FGF14: variants seen among roughly 807,000 people sequenced by gnomAD.
The protein encoded by FGF14 is fibroblast growth factor 14, also known as fibroblast growth factor homologous factor 4.
In FGF14, 5 loss-of-function variants were observed where a neutral mutation model predicts 25.5. The observed-to-expected ratio is 0.20, with a 90% CI of 0.10 to 0.41. The LOEUF is 0.41. Ranked by LOEUF, FGF14 falls within the 10% of genes least tolerant of loss-of-function variation. The pLI is 1.00. For synonymous variants in FGF14, 138 were observed against 118.3 expected (o/e 1.17, Z -1.08); for missense variants, 222 against 320.1 (o/e 0.69, Z 2.34).
At chr13:102,018,078 T>A (rs1355644684) in intron 1 of FGF14, among the ~76,000 whole-genome samples, 1 of 152,150 alleles carries the variant, frequency 6.6e-6, no homozygotes, top group African/African-American at 2.4e-5. Context: ...GAGTTCTGTG[T>A]CTCTCTTCTT....
chr13:102,061,156 T>C (rs553711088), intron 1 of FGF14, among the ~76,000 whole-genome samples: 31 of 152,318 alleles, frequency 2.0e-4, no homozygotes, highest in African/African-American at 6.3e-4. Context: ...TCCAAGCCCT[T>C]ATGTGACCCG....
At chr13:102,315,324 C>A (rs2055969026) in intron 1 of FGF14, among the ~76,000 whole-genome samples, 1 of 152,116 alleles carries the variant, frequency 6.6e-6, no homozygotes, top group Non-Finnish European at 1.5e-5. Flanking sequence ...TTCCAAAGTG[C>A]CTCCCAGCCT....
At chr13:101,796,571 T>G (rs1460101417) in intron 3 of FGF14, among the ~76,000 whole-genome samples, 1 of 151,934 alleles carries the variant, frequency 6.6e-6, no homozygotes, top group Non-Finnish European at 1.5e-5. Context: ...AAAGGGGCAA[T>G]TAAAGACAAA....
At chr13:102,047,382 G>C (rs1337363141) in intron 1 of FGF14, among the ~76,000 whole-genome samples, 1 of 152,008 alleles carries the variant, frequency 6.6e-6, no homozygotes, top group Non-Finnish European at 1.5e-5. Flanking sequence ...TCTTGAGGGA[G>C]ATTTAGCTAT....
intron 1 of FGF14, among the ~76,000 whole-genome samples, chr13:102,235,386 T>C (rs2051282036): frequency 6.6e-6 from 1 of 152,128 alleles, no homozygotes; most frequent in South Asian, 2.1e-4. Flanking sequence ...CACTGAAAAT[T>C]TTTTGCTTTG....
chr13:101,966,323 C>T lies in FGF14; in HGVS notation c.209-91027G>A, dbSNP rs115845030. The stretch of plus-strand genomic sequence containing the variant: ...AGGCAGAAATTGGGGTGATGATTTA[C>T]GAGACAAAGAATATCAAGGATTGCC... On this transcript the variant is annotated intron_variant, in intron 1 of 4. Coordinates refer to the FGF14 transcript ENST00000376131. 4.8e-3 allele frequency among the ~76,000 whole-genome samples: 730 copies of T among 152,126 alleles called. 11 individuals carry two copies. Among genetic ancestry groups the T allele is most frequent in the African/African-American group, 0.017 (687 of 41,508 alleles).
chr13:102,106,829 G>C lies in FGF14; in HGVS notation c.209-231533C>G, dbSNP rs985572880. Among the ~76,000 whole-genome samples, 4 of 152,244 alleles carry C rather than the reference G, an allele frequency of 2.6e-5. No individual in the cohort carries two copies. The East Asian group carries it at 7.7e-4, about 29-fold the overall frequency. ...ACATAGGGGAAATACATTATGGCTT[G>C]TAGTTTATAAATAAAAGTTAACTGC... On this transcript the variant is annotated intron_variant, in intron 1 of 4. Coordinates refer to the FGF14 transcript ENST00000376131.
intron 1 of FGF14, among the ~76,000 whole-genome samples, chr13:102,124,389 G>A (rs905995996): frequency 1.3e-5 from 2 of 152,026 alleles, no homozygotes; most frequent in African/African-American, 4.8e-5. Flanking sequence ...ATACTCTTAA[G>A]AGGAAAATGT....
At chr13:102,006,303 G>A (rs9557780) in intron 1 of FGF14, among the ~76,000 whole-genome samples, 43,235 of 152,006 alleles carry the variant, frequency 0.28, 7,019 homozygotes, top group East Asian at 0.7. Context: ...TAATTACAAA[G>A]CAATAAGGCA....
intron 1 of FGF14, among the ~76,000 whole-genome samples, chr13:102,197,517 T>C (rs1007333073): frequency 9.9e-5 from 15 of 152,220 alleles, no homozygotes; most frequent in Admixed American, 3.3e-4. Context: ...CTTGCATCTT[T>C]AGAATTTGGC....
intron 1 of FGF14, among the ~76,000 whole-genome samples, chr13:102,079,870 A>G (rs1333911539): frequency 1.3e-5 from 2 of 152,138 alleles, no homozygotes; most frequent in Admixed American, 6.6e-5. Context: ...GCAAAGACCT[A>G]AAGAATATAA....
chr13:102,197,912 C>G (rs2049436876), intron 1 of FGF14, among the ~76,000 whole-genome samples: 1 of 152,192 alleles, frequency 6.6e-6, no homozygotes, highest in Non-Finnish European at 1.5e-5. Context: ...AATGAGAAAC[C>G]TCTAAATAGA....
intron 1 of FGF14, among the ~76,000 whole-genome samples, chr13:102,282,154 C>T (rs2053873662): frequency 6.6e-6 from 1 of 151,572 alleles, no homozygotes; most frequent in South Asian, 2.1e-4. Context: ...GCAACCTCTG[C>T]CTCCTAAGTT....
At chr13:101,917,309 C>T (rs1465259118), upstream of FGF14, among the ~76,000 whole-genome samples, 1 of 152,244 alleles carries the variant, frequency 6.6e-6, no homozygotes, top group East Asian at 1.9e-4. Flanking sequence ...CCCCCTCCAC[C>T]TATGTGGTCC....
At chr13:101,983,815 T>G (rs2038406694) in intron 1 of FGF14, among the ~76,000 whole-genome samples, 1 of 152,160 alleles carries the variant, frequency 6.6e-6, no homozygotes, top group Admixed American at 6.6e-5. Flanking sequence ...TGGGTCTGGA[T>G]AAAAATGGAT....
intron 1 of FGF14, among the ~76,000 whole-genome samples, chr13:102,361,528 C>G (rs2139040741): frequency 7.2e-6 from 1 of 137,990 alleles, no homozygotes; most frequent in Middle Eastern, 3.9e-3. Flanking sequence ...CAGGCCAGTA[C>G]TATAGGAATT....
chr13:102,244,060 C>T (rs1398788738), intron 1 of FGF14, among the ~76,000 whole-genome samples: 1 of 151,976 alleles, frequency 6.6e-6, no homozygotes, highest in East Asian at 1.9e-4. Flanking sequence ...GCGCTAATTC[C>T]TTACCTATGT....
At chr13:101,894,522 C>A (rs1039636461) in intron 1 of FGF14, among the ~76,000 whole-genome samples, 1 of 152,108 alleles carries the variant, frequency 6.6e-6, no homozygotes, top group Non-Finnish European at 1.5e-5. Context: ...TGCCCCACAC[C>A]CAGCGCTACA....
At chr13:101,819,744 G>C (rs150742376) in intron 3 of FGF14, among the ~76,000 whole-genome samples, 3,215 of 152,232 alleles carry the variant, frequency 0.021, 51 homozygotes, top group Non-Finnish European at 0.032. Context: ...TTTTAGAATA[G>C]TTTTGAAGAT....
Sources: allele counts gnomAD v4.1 joint callset (sites outside exome capture counted in the v4.1 genomes callset), GRCh38; gene constraint gnomAD v4.1.1; transcripts MANE v1.5; gene names NCBI Gene and HGNC (gene_info 2026-07-23, HGNC 2026-07-21).